Variants in RORA observed in about 807,000 individuals in gnomAD.
The protein encoded by RORA is nuclear receptor ROR-alpha.
RORA carries 7 observed loss-of-function variants against 69.5 expected under a neutral mutation model. The ratio of observed to expected loss-of-function variants is 0.10; its 90% CI spans 0.06 to 0.19. The LOEUF (loss-of-function observed/expected upper bound fraction) is 0.19, where lower values mean the gene tolerates loss of function less well. Among genes scored for constraint, RORA ranks in the 10% least tolerant of loss-of-function variants. The probability of loss-of-function intolerance (pLI) is 1.00; values close to 1 mark genes in which losing one functional copy is unlikely to be tolerated. For missense variants in RORA, 457 were observed against 663.0 expected, an observed-to-expected ratio of 0.69 and a Z score of 3.41; for synonymous variants, 261 against 240.8, an observed-to-expected ratio of 1.08 and a Z score of -0.78.
chr15:60,599,642 C>A (rs1258634395), intron 2 of RORA, among the ~76,000 whole-genome samples: 2 of 152,040 alleles, frequency 1.3e-5, no homozygotes, highest in African/African-American at 4.8e-5. Context: ...GAGCATTTAC[C>A]AGAGATAAAA....
chr15:61,083,268 C>G (rs1246192846), intron 1 of RORA, among the ~76,000 whole-genome samples: 1 of 152,184 alleles, frequency 6.6e-6, no homozygotes, highest in Non-Finnish European at 1.5e-5. Context: ...ACTGGCTTCA[C>G]TAATAGTGAC....
chr15:60,664,357 C>G (rs150047983), intron 2 of RORA, among the ~76,000 whole-genome samples: 88 of 152,288 alleles, frequency 5.8e-4, no homozygotes, highest in African/African-American at 1.9e-3. Context: ...ACAGCTTCTA[C>G]TTTGATTGCA....
chr15:61,076,451 G>A (rs928083125), intron 1 of RORA, among the ~76,000 whole-genome samples: 1 of 151,208 alleles, frequency 6.6e-6, no homozygotes, highest in African/African-American at 2.4e-5. Flanking sequence ...GCTCTGTTTT[G>A]GACCCAGTGG....
intron 1 of RORA, among the ~76,000 whole-genome samples, chr15:60,886,685 A>G (rs745956988): frequency 1.3e-5 from 2 of 152,228 alleles, no homozygotes; most frequent in Non-Finnish European, 2.9e-5. Context: ...CTTTTCTTGC[A>G]TGAACAATTG....
At chr15:60,624,960 C>A (rs146881973) in intron 2 of RORA, among the ~76,000 whole-genome samples, 141 of 152,226 alleles carry the variant, frequency 9.3e-4, no homozygotes, top group Non-Finnish European at 1.6e-3. Context: ...GAGCAGCAAT[C>A]GTTTCTGGAA....
At chr15:60,821,970 A>G (rs577565055) in intron 1 of RORA, among the ~76,000 whole-genome samples, 4 of 152,286 alleles carry the variant, frequency 2.6e-5, no homozygotes, top group East Asian at 1.9e-4. Flanking sequence ...GAATAAATAA[A>G]GGAAATCTGA....
At chr15:60,613,976 T>C (rs546378263) in intron 2 of RORA, among the ~76,000 whole-genome samples, 20 of 151,558 alleles carry the variant, frequency 1.3e-4, no homozygotes, top group African/African-American at 4.4e-4. Context: ...ATTGAGTCTA[T>C]GCCATAATTG....
At chr15:60,725,759 C>T (rs529591538) in intron 1 of RORA, among the ~76,000 whole-genome samples, 1 of 152,254 alleles carries the variant, frequency 6.6e-6, no homozygotes, top group Admixed American at 6.5e-5. Flanking sequence ...AGAACTGGTT[C>T]CATGGTGCTT....
At chr15:60,689,176 A>G (rs1451227359) in intron 1 of RORA, among the ~76,000 whole-genome samples, 1 of 152,198 alleles carries the variant, frequency 6.6e-6, no homozygotes, top group Non-Finnish European at 1.5e-5. Context: ...TACCTTTTTC[A>G]TGAGGCTGTT....
chr15:60,658,068 C>A (rs886699594), intron 2 of RORA, among the ~76,000 whole-genome samples: 1 of 151,914 alleles, frequency 6.6e-6, no homozygotes, highest in African/African-American at 2.4e-5. Flanking sequence ...AAGGAGATTA[C>A]ATTTTTCTTT....
At chr15:60,946,894 G>C (rs1022949160) in intron 1 of RORA, among the ~76,000 whole-genome samples, 2 of 151,776 alleles carry the variant, frequency 1.3e-5, no homozygotes, top group African/African-American at 4.8e-5. Flanking sequence ...CGTCTGGGAT[G>C]TGAGGAGCGC....
At chr15:60,983,664 C>T (rs552400385) in intron 1 of RORA, among the ~76,000 whole-genome samples, 1 of 152,352 alleles carries the variant, frequency 6.6e-6, no homozygotes, top group Non-Finnish European at 1.5e-5. Flanking sequence ...GATAAGAACT[C>T]TTTCAACCAA....
intron 1 of RORA, among the ~76,000 whole-genome samples, chr15:60,986,199 T>C (rs1490009869): frequency 1.3e-5 from 2 of 151,250 alleles, no homozygotes; most frequent in Non-Finnish European, 3.0e-5. Context: ...AGTGGTGAGA[T>C]CTCGGCTCAC....
chr15:61,051,663 G>A (rs926048204), intron 1 of RORA, among the ~76,000 whole-genome samples: 7 of 152,166 alleles, frequency 4.6e-5, no homozygotes, highest in African/African-American at 1.7e-4. Flanking sequence ...ATGCTTGCCT[G>A]TACTGTCTGC....
At chr15:60,829,092 G>C (rs746488411) in intron 1 of RORA, among the ~76,000 whole-genome samples, 1 of 152,188 alleles carries the variant, frequency 6.6e-6, no homozygotes, top group Non-Finnish European at 1.5e-5. Flanking sequence ...AGAGCATTCA[G>C]TAAGAACCTA....
intron 1 of RORA, among the ~76,000 whole-genome samples, chr15:60,820,963 C>A (rs539149793): frequency 8.2e-6 from 1 of 122,590 alleles, no homozygotes; most frequent in East Asian, 2.7e-4. Flanking sequence ...AACCCCCACC[C>A]CCCACCCCAG....
At chr15:60,911,258 C>A (rs1452403307) in intron 1 of RORA, among the ~76,000 whole-genome samples, 1 of 151,840 alleles carries the variant, frequency 6.6e-6, no homozygotes, top group Non-Finnish European at 1.5e-5. Flanking sequence ...TTTGTAACTA[C>A]AGTAAGCTCC....
intron 1 of RORA, among the ~76,000 whole-genome samples, chr15:60,828,787 A>G (rs1042874840): frequency 6.6e-6 from 1 of 151,856 alleles, no homozygotes; most frequent in African/African-American, 2.4e-5. Context: ...ATTGATTTTG[A>G]TTCTCTCTCA....
At chr15:60,561,082 G>GTTTTTTTTTTTTTTTTTTTTTTTTTTT in intron 2 of RORA, among the ~76,000 whole-genome samples, 1 of 122,052 alleles carries the variant, frequency 8.2e-6, no homozygotes, top group Non-Finnish European at 1.8e-5. Context: ...TTTTGTTTTT[G>GTTTTTTTTTTTTTTTTTTTTTTTTTTT]TTTTTTTTTT....
Sources: allele counts gnomAD v4.1 joint callset (sites outside exome capture counted in the v4.1 genomes callset), GRCh38; gene constraint gnomAD v4.1.1; transcripts MANE v1.5; gene names NCBI Gene and HGNC (gene_info 2026-07-23, HGNC 2026-07-21).